The following FAAH2 variants were observed in gnomAD, a reference collection of about 807,000 sequenced individuals.
FAAH2 encodes the protein fatty acid amide hydrolase 2.
FAAH2 carries 60 observed loss-of-function variants against 36.9 expected under a neutral mutation model. The ratio of observed to expected loss-of-function variants is 1.63; its 90% CI spans 1.32 to 2.02. The LOEUF (loss-of-function observed/expected upper bound fraction) is 2.02, where lower values mean the gene tolerates loss of function less well. FAAH2 is among the 30% of genes most tolerant of loss of function. The probability of loss-of-function intolerance (pLI) is 0.00; values close to 1 mark genes in which losing one functional copy is unlikely to be tolerated. For missense variants in FAAH2, 689 were observed against 397.5 expected (o/e 1.73, Z -6.23); for synonymous variants, 214 against 143.8 (o/e 1.49, Z -3.49).
At chrX:57,243,070 G>A in the FAAH2 span, among the ~76,000 whole-genome samples, 9 of 111,472 alleles carry the variant, frequency 8.1e-5, no homozygotes, top group South Asian at 2.7e-3. Flanking sequence ...GGTGGGGGGA[G>A]GGGTGTCCAC....
the FAAH2 span, among the ~76,000 whole-genome samples, chrX:57,127,726 C>A: frequency 9.0e-6 from 1 of 111,053 alleles, no homozygotes; most frequent in African/African-American, 3.3e-5. Flanking sequence ...TTTCCTTTTT[C>A]TCCTTGCCAC....
At chrX:57,239,609 A>G in the FAAH2 span, among the ~76,000 whole-genome samples, 49,698 of 109,825 alleles carry the variant, frequency 0.45, 11,418 homozygotes, top group African/African-American at 0.89. Flanking sequence ...AAATTTTCAT[A>G]GACAATATGC....
intron 3 of FAAH2, among the ~76,000 whole-genome samples, chrX:57,323,365 G>T (rs2053093611): frequency 9.0e-6 from 1 of 111,267 alleles, no homozygotes; most frequent in Admixed American, 9.6e-5. Context: ...GGGATGGCTG[G>T]GTCAAATGGT....
At chrX:57,308,355 T>G (rs1218077723) in intron 2 of FAAH2, among the ~76,000 whole-genome samples, 1 of 111,638 alleles carries the variant, frequency 9.0e-6, no homozygotes, top group Non-Finnish European at 1.9e-5. Context: ...CTAATTGTGG[T>G]TTTTATTTGC....
chrX:57,316,482 A>T (rs1481148685), intron 3 of FAAH2, among the ~76,000 whole-genome samples: 2 of 111,883 alleles, frequency 1.8e-5, no homozygotes, highest in African/African-American at 6.5e-5. Flanking sequence ...TATATTATAA[A>T]GCTACAGTCA....
rs202045885 is a variant in FAAH2 at position 57,298,100 on chromosome X, G to A, written c.275+5520G>A. ...AAGTGAACTCAGCTCTGCACCAAGC[G>A]GACCTAATAGACACCTACAGAACTC... On this transcript the variant is annotated intron_variant, in intron 2 of 10. Transcript: ENST00000374900. Among the ~76,000 whole-genome samples the A allele has an allele frequency of 2.6e-3, 28 of 10,973 alleles. 9 individuals carry two copies. Among genetic ancestry groups the A allele is most frequent in the African/African-American group, 2.7e-3 (28 of 10,430 alleles). 9.5% of individuals were successfully genotyped at this position (10,973 alleles called of 115,157 possible).
At chrX:57,392,364 G>GT (rs922304788) in intron 7 of FAAH2, among the ~76,000 whole-genome samples, 38 of 110,484 alleles carry the variant, frequency 3.4e-4, no homozygotes, top group Admixed American at 8.6e-4. Context: ...TTCAGTTCTT[G>GT]TTTTTTTTGT....
At chrX:57,265,733 T>C in the FAAH2 span, among the ~76,000 whole-genome samples, 24 of 112,068 alleles carry the variant, frequency 2.1e-4, no homozygotes, top group Admixed American at 5.6e-4. Flanking sequence ...TGGACCATTA[T>C]CTTTGTTGTT....
chrX:57,356,760 T>C (rs1249929568), intron 5 of FAAH2, among the ~76,000 whole-genome samples: 1 of 110,905 alleles, frequency 9.0e-6, no homozygotes, highest in African/African-American at 3.3e-5. Flanking sequence ...ATTTTATTTA[T>C]CACTGCTTTA....
chrX:57,305,473 G>A (rs772692555), intron 2 of FAAH2, among the ~76,000 whole-genome samples: 3 of 111,089 alleles, frequency 2.7e-5, no homozygotes, highest in Non-Finnish European at 5.7e-5. Context: ...TACCTCAACT[G>A]CTGTCACTTT....
At chrX:57,432,324 G>A (rs1342781743) in intron 8 of FAAH2, among the ~76,000 whole-genome samples, 1 of 111,233 alleles carries the variant, frequency 9.0e-6, no homozygotes, top group East Asian at 2.8e-4. Flanking sequence ...TAACCAGGTA[G>A]AGAAGAGATA....
the FAAH2 span, among the ~76,000 whole-genome samples, chrX:57,267,388 G>T: frequency 8.9e-6 from 1 of 112,618 alleles, no homozygotes; most frequent in African/African-American, 3.2e-5. Flanking sequence ...CAGAGAACAG[G>T]GAATTCTTTT....
At chrX:57,444,292 T>C (rs1034326010) in intron 8 of FAAH2, among the ~76,000 whole-genome samples, 1 of 112,025 alleles carries the variant, frequency 8.9e-6, no homozygotes, top group African/African-American at 3.2e-5. Flanking sequence ...GTTTACCTAG[T>C]CAAGCCTCAG....
Position 57,447,058 on chromosome X carries a change from A to C in FAAH2, c.1228+19A>C. 1 of 1,088,458 alleles carries C rather than the reference A, an allele frequency of 9.2e-7. No individual in the cohort carries two copies. Among genetic ancestry groups the C allele is most frequent in the Non-Finnish European group, 1.2e-6 (1 of 803,452 alleles). 89.7% of individuals were successfully genotyped at this position (1,088,458 alleles called of 1,213,427 possible). ...TCCATTGGTATGTAAATCATATTCT[A>C]CCTAGACCAGTTTGATGTCCTGTAA... On this transcript the variant is annotated intron_variant, in intron 9 of 10. Coordinates refer to ENST00000374900, the MANE Select transcript of FAAH2 (RefSeq NM_174912.4).
intron 4 of FAAH2, among the ~76,000 whole-genome samples, chrX:57,332,194 G>A (rs2053427404): frequency 8.9e-6 from 1 of 112,554 alleles, no homozygotes; most frequent in Non-Finnish European, 1.9e-5. Flanking sequence ...GGGTGCTAAA[G>A]CTACATAGAC....
intron 8 of FAAH2, among the ~76,000 whole-genome samples, chrX:57,439,196 G>C (rs551571346): frequency 0.077 from 8,409 of 108,931 alleles, 834 homozygotes; most frequent in African/African-American, 0.26. Flanking sequence ...CACAATGGTT[G>C]AACTAGTTTA....
chrX:57,202,642 C>T, the FAAH2 span, among the ~76,000 whole-genome samples: 1 of 111,616 alleles, frequency 9.0e-6, no homozygotes, highest in Non-Finnish European at 1.9e-5. Flanking sequence ...TTTCTAGCTA[C>T]TATCTATGTA....
the FAAH2 span, among the ~76,000 whole-genome samples, chrX:57,268,767 T>C: frequency 6.3e-5 from 7 of 111,567 alleles, no homozygotes; most frequent in Non-Finnish European, 1.3e-4. Flanking sequence ...AAAAGACCAT[T>C]ACCCACCACT....
chrX:57,319,161 T>G (rs1319611181), intron 3 of FAAH2, among the ~76,000 whole-genome samples: 1 of 111,760 alleles, frequency 8.9e-6, no homozygotes, highest in African/African-American at 3.2e-5. Flanking sequence ...GTATTGGAAG[T>G]TCTGGCCAGG....
Sources: allele counts gnomAD v4.1 joint callset (sites outside exome capture counted in the v4.1 genomes callset), GRCh38; gene constraint gnomAD v4.1.1; transcripts MANE v1.5; gene names NCBI Gene and HGNC (gene_info 2026-07-23, HGNC 2026-07-21).